Variants in CDC7 observed in about 807,000 individuals in gnomAD.
The protein encoded by CDC7 is cell division cycle 7, also known as cell division cycle 7-related protein kinase.
Under a neutral mutation model 53.5 loss-of-function variants are expected in CDC7, and 34 were observed. That is an observed-to-expected ratio of 0.64 (90% CI 0.48 to 0.85). The LOEUF is 0.85. Ranked by LOEUF, CDC7 falls within the 40% of genes least tolerant of loss-of-function variation. The probability of loss-of-function intolerance (pLI) is 0.00; values close to 1 mark genes in which losing one functional copy is unlikely to be tolerated. For synonymous variants in CDC7, 211 were observed against 222.8 expected (o/e 0.95, Z 0.47); for missense variants, 594 against 679.7 (o/e 0.87, Z 1.40).
At chr1:91,517,017 A>C (rs1667594656) in intron 10 of CDC7, among the ~76,000 whole-genome samples, 1 of 152,158 alleles carries the variant, frequency 6.6e-6, no homozygotes, top group Admixed American at 6.5e-5. Flanking sequence ...GTGAGCCAAG[A>C]TCGCACCATT....
Position 91,513,293 on chromosome 1 carries a change from G to A in CDC7, c.808G>A (p.Gly270Arg), listed in dbSNP as rs1411115138. 2 of 1,612,646 alleles carry A rather than the reference G, an allele frequency of 1.2e-6. No individual in the cohort carries two copies. The highest frequency in any genetic ancestry group is 2.2e-5 in the South Asian group (2 of 91,000). ...AAATGCACAAATTCAGATTAAACAA[G>A]GAAAAGACGGAAAGGTTCTATCTCT... Reference protein sequence around the residue: ...YTNAQIQIKQGKDGKEGSVGL... With the variant: ...YTNAQIQIKQRKDGKEGSVGL... Residue 270 changes from glycine (G) to arginine (R), a missense_variant, in exon 7 of 12, where the codon GGA (glycine) becomes AGA (arginine). Gly to Arg is a moderately radical substitution (Grantham distance 125). Transcript: ENST00000234626.
At chr1:91,522,708 T>C (rs1668026953) in intron 11 of CDC7, among the ~76,000 whole-genome samples, 1 of 152,182 alleles carries the variant, frequency 6.6e-6, no homozygotes. Flanking sequence ...CTAGAGAGAA[T>C]AGGAATGATA....
At chr1:91,513,356 C>G (rs1667387382) in intron 7 of CDC7, 49 bp downstream of exon 7, 1 of 1,534,200 alleles carries the variant, frequency 6.5e-7, no homozygotes, top group African/African-American at 1.4e-5. Flanking sequence ...TAGAAATATA[C>G]TCCTTCAACC....
chr1:91,516,375 T>G (rs557959064), intron 10 of CDC7, among the ~76,000 whole-genome samples: 1 of 152,230 alleles, frequency 6.6e-6, no homozygotes, highest in East Asian at 1.9e-4. Flanking sequence ...AAAAGAAAAA[T>G]GTCTTCCGTA....
intron 2 of CDC7, 113 bp from the exon 3 acceptor site, chr1:91,507,741 G>A (rs1667067698): frequency 2.9e-6 from 2 of 700,252 alleles, no homozygotes; most frequent in East Asian, 6.4e-5. Flanking sequence ...TAAAACTTAT[G>A]TATAATTAAT....
intron 10 of CDC7, 115 bp from the exon 11 acceptor site, chr1:91,520,015 A>C: frequency 1.3e-6 from 1 of 786,070 alleles, no homozygotes. Flanking sequence ...TGGGCATCTG[A>C]AATTTTTAAG....
At chr1:91,514,266 GTCT>G (rs1667438319) in intron 8 of CDC7, among the ~76,000 whole-genome samples, 1 of 152,022 alleles carries the variant, frequency 6.6e-6, no homozygotes, top group African/African-American at 2.4e-5. Flanking sequence ...AGCTATTACT[GTCT>G]TTCTCTAGAG....
At position 91,524,410 on chromosome 1, in the gene CDC7, C is replaced by G; in HGVS notation, c.1700C>G (p.Pro567Arg). Residue 567 changes from proline (P) to arginine (R), a missense_variant, in exon 12 of 12, where the codon CCA (proline) becomes CGA (arginine). Coordinates refer to ENST00000234626, the MANE Select transcript of CDC7 (RefSeq NM_003503.4). ...ACAGCAGAAGAAGCTTTGTTGCATCCATTTTTTAAAGATATGAGCTTGTGA... is the reference window on the plus strand; with the variant it reads ...ACAGCAGAAGAAGCTTTGTTGCATCGATTTTTTAAAGATATGAGCTTGTGA... ...RITAEEALLH[P>R]FFKDMSL 2.5e-6 allele frequency: 4 copies of G among 1,608,820 alleles called. No individual in the cohort carries two copies. Among genetic ancestry groups the G allele is most frequent in the Non-Finnish European group, 3.4e-6 (4 of 1,179,202 alleles).
chr1:91,507,201 T>C lies in CDC7; in HGVS notation c.116-653T>C, dbSNP rs75691070. Reference sequence around the variant, plus strand: ...TACTGTAATAAAATCTGAAGACTTATCTAGTTCTCTTCTGTATCCAGTAGT... The same window carrying C: ...TACTGTAATAAAATCTGAAGACTTACCTAGTTCTCTTCTGTATCCAGTAGT... On this transcript the variant is annotated intron_variant, in intron 2 of 11. Transcript: ENST00000234626. 2.9e-4 allele frequency among the ~76,000 whole-genome samples: 44 copies of C among 152,340 alleles called. No individual in the cohort carries two copies. The East Asian group carries it at 6.7e-3, about 23-fold the overall frequency.
At position 91,515,874 on chromosome 1, in the gene CDC7, C is replaced by T. The variant is rs200803473; in HGVS notation, c.1178C>T (p.Thr393Ile). The change falls in exon 10 of 12, where the codon ACA becomes ATA. Residue 393 changes from threonine (T) to isoleucine (I), a missense_variant and splice_region_variant. By Grantham distance (89) the Thr-to-Ile change is moderately conservative. Transcript: ENST00000234626. ...TTGACAAAGTGCCCCAATCAAACTA[C>T]AGGTATGTTGTACTGGAAATACAGA... ...EVLTKCPNQT[T>I]AIDMWSAGVI... The T allele has an allele frequency of 1.1e-5, 17 of 1,611,888 alleles. No individual in the cohort carries two copies. In the Admixed American group the frequency reaches 1.8e-4, roughly 17 times the overall value.
intron 10 of CDC7, among the ~76,000 whole-genome samples, chr1:91,517,826 AG>A (rs1667648697): frequency 6.6e-6 from 1 of 152,108 alleles, no homozygotes; most frequent in South Asian, 2.1e-4. Flanking sequence ...GGCCGGGCAC[AG>A]TGGCTCATGC....
chr1:91,501,554 G>C (rs1010034734), intron 1 of CDC7, 100 bp from the exon 2 acceptor site: 3 of 646,302 alleles, frequency 4.6e-6, no homozygotes, highest in Admixed American at 2.7e-5. Context: ...TGGACACATC[G>C]TGCGTTTGAA....
chr1:91,506,990 A>T (rs962821132), intron 2 of CDC7, among the ~76,000 whole-genome samples: 1 of 152,066 alleles, frequency 6.6e-6, no homozygotes, highest in African/African-American at 2.4e-5. Flanking sequence ...AATCAGCAAC[A>T]CCTCTGTGAA....
chr1:91,520,258 A>C lies in CDC7; in HGVS notation c.1309A>C (p.Ile437Leu). The change falls in exon 11 of 12, where the codon ATC becomes CTC. Residue 437 changes from isoleucine (I) to leucine (L), a missense_variant. Transcript: ENST00000234626. Reference protein sequence around the residue: ...IMTIRGSRETIQAAKTFGKSI... With the variant: ...IMTIRGSRETLQAAKTFGKSI... ...GACAATTAGGGGATCCAGAGAAACTATCCAAGCTGCTAAAACTTTTGGTAA... is the reference window on the plus strand; with the variant it reads ...GACAATTAGGGGATCCAGAGAAACTCTCCAAGCTGCTAAAACTTTTGGTAA... 6.2e-7 allele frequency: 1 copy of C among 1,601,618 alleles called. No homozygotes were observed.
chr1:91,513,500 A>G (rs1667398021), intron 7 of CDC7, among the ~76,000 whole-genome samples, 193 bp downstream of exon 7: 1 of 152,194 alleles, frequency 6.6e-6, no homozygotes, highest in African/African-American at 2.4e-5. Context: ...TTTTAAAACT[A>G]AAATTTACTT....
chr1:91,500,929 A>C lies in CDC7; in HGVS notation c.-83A>C, dbSNP rs914024802. 2 of 152,232 alleles carry C rather than the reference A, an allele frequency of 1.3e-5. No individual in the cohort carries two copies. Among genetic ancestry groups the C allele is most frequent in the Non-Finnish European group, 2.9e-5 (2 of 68,046 alleles). The allele number at this position is 152,232 out of a possible 1,614,324, so 9.4% of individuals were successfully genotyped here. ...GACCCAGGCATCTGGGGAGCCACAG[A>C]AGTCGTACTCCCTTAAACCGTGAGT... On this transcript the variant is annotated 5_prime_UTR_variant, in exon 1 of 12. Transcript: ENST00000234626.
In CDC7 at chr1:91,514,859, A is replaced by C. The variant is rs748011530; in HGVS notation, c.959A>C (p.Lys320Thr). The C allele has an allele frequency of 6.2e-7, 1 of 1,613,204 alleles. No homozygotes were observed. The highest frequency in any genetic ancestry group is 2.2e-5 in the East Asian group (1 of 44,848). ...QSKTVDVLSR[K>T]LATKKKAIST... is the part of the protein sequence containing the mutation. ...AAGACTGTGGATGTACTGTCTAGAA[A>C]GTTAGCAACAAAAAAGAAGGCTATT... Residue 320 changes from lysine (K) to threonine (T), a missense_variant, in exon 9 of 12, where the codon AAG becomes ACG. Lys to Thr is a moderately conservative substitution (Grantham distance 78). Transcript: ENST00000234626.
intron 1 of CDC7, 183 bp downstream of exon 1, chr1:91,501,131 G>A (rs975079829): frequency 6.6e-6 from 1 of 152,346 alleles, no homozygotes; most frequent in Non-Finnish European, 1.5e-5. Flanking sequence ...TCTGGCCCGA[G>A]GGAAGCCGGT....
intron 11 of CDC7, among the ~76,000 whole-genome samples, chr1:91,522,661 T>C (rs953338164): frequency 6.6e-6 from 1 of 152,178 alleles, no homozygotes; most frequent in Non-Finnish European, 1.5e-5. Context: ...AATAAAGGAA[T>C]AAAACTATAT....
Sources: gnomAD v4.1 joint callset for allele counts (sites outside exome capture counted in the v4.1 genomes callset) on GRCh38, gnomAD v4.1.1 for gene constraint, MANE v1.5 for transcripts, NCBI Gene and HGNC (gene_info 2026-07-23, HGNC 2026-07-21) for gene names.